CDH23: variants seen among roughly 807,000 people sequenced by gnomAD.
CDH23 encodes the protein cadherin related 23.
CDH23 carries 189 observed loss-of-function variants against 317.1 expected under a neutral mutation model. That is an observed-to-expected ratio of 0.60 (90% confidence interval 0.53 to 0.67). The LOEUF (loss-of-function observed/expected upper bound fraction) is 0.67. Ranked by LOEUF, CDH23 falls within the 30% of genes least tolerant of loss-of-function variation. The pLI is 0.00. For synonymous variants in CDH23, 1,839 were observed against 1,876.8 expected, an observed-to-expected ratio of 0.98 and a Z score of 0.52; for missense variants, 4,401 against 4,592.4, an observed-to-expected ratio of 0.96 and a Z score of 1.20.
intron 6 of CDH23, among the ~76,000 whole-genome samples, chr10:71,533,733 G>A (rs1855548961): frequency 6.6e-6 from 1 of 152,122 alleles, no homozygotes; most frequent in South Asian, 2.1e-4. Flanking sequence ...GTCAGGGAAG[G>A]ATGCAGTTGT....
chr10:71,805,602 T>C lies in CDH23; in HGVS notation c.7873-204T>C, dbSNP rs377549916. 3.4e-4 allele frequency among the ~76,000 whole-genome samples: 51 copies of C among 152,152 alleles called. No individual in the cohort carries two copies. The South Asian group carries it at 8.3e-3, about 25-fold the overall frequency. ...GTCAGTGCAATGGCCTTAGCTTGGGTTGGGGAGGAGAGAAGAGGGACAACA... is the reference window on the plus strand; with the variant it reads ...GTCAGTGCAATGGCCTTAGCTTGGGCTGGGGAGGAGAGAAGAGGGACAACA... On this transcript the variant is annotated intron_variant, in intron 55 of 69. Coordinates refer to ENST00000224721, the MANE Select transcript of CDH23 (RefSeq NM_022124.6).
At chr10:71,410,508 A>G (rs7082492) in intron 1 of CDH23, among the ~76,000 whole-genome samples, 52,017 of 152,056 alleles carry the variant, frequency 0.34, 9,578 homozygotes, top group African/African-American at 0.48. Flanking sequence ...TGGTGCTAAG[A>G]GACTTCTTAA....
At chr10:71,706,274 T>A (rs1185782588) in intron 25 of CDH23, among the ~76,000 whole-genome samples, 1 of 152,156 alleles carries the variant, frequency 6.6e-6, no homozygotes, top group East Asian at 1.9e-4. Flanking sequence ...TAAGGGAAAT[T>A]AAACCTTATT....
intron 9 of CDH23, among the ~76,000 whole-genome samples, chr10:71,603,420 G>A (rs375334540): frequency 2.0e-4 from 30 of 151,780 alleles, no homozygotes; most frequent in African/African-American, 6.1e-4. Context: ...GCCAAGCCTC[G>A]GGTGAGTTAT....
chr10:71,798,920 C>T (rs1219260634), intron 50 of CDH23, among the ~76,000 whole-genome samples, 191 bp from the exon 51 acceptor site: 1 of 152,148 alleles, frequency 6.6e-6, no homozygotes, highest in African/African-American at 2.4e-5. Context: ...GAAGCTTTTT[C>T]ACCCTCCATA....
chr10:71,806,148 CTG>C lies in CDH23; in HGVS notation c.8065-17_8065-16del, dbSNP rs1341670937. Reference sequence around the variant, plus strand: ...CCCCTCTCCCAGTCTTTTCCTCTGACTGTGCTCTTCCGCTCCTAGCTCATCTT... The same window carrying C: ...CCCCTCTCCCAGTCTTTTCCTCTGACTGCTCTTCCGCTCCTAGCTCATCTT... On this transcript the variant is annotated intron_variant, in intron 56 of 69. Transcript: ENST00000224721. The C allele has an allele frequency of 6.5e-7, 1 of 1,549,500 alleles. No homozygotes were observed. Among genetic ancestry groups the C allele is most frequent in the South Asian group, 1.2e-5 (1 of 84,172 alleles).
chr10:71,734,941 C>T (rs1038277603), intron 34 of CDH23, among the ~76,000 whole-genome samples: 1 of 152,234 alleles, frequency 6.6e-6, no homozygotes, highest in Non-Finnish European at 1.5e-5. Flanking sequence ...ACTGAGGGCT[C>T]ATCCCAGCTC....
chr10:71,510,532 C>T (rs991934339), intron 4 of CDH23, among the ~76,000 whole-genome samples: 3 of 152,026 alleles, frequency 2.0e-5, no homozygotes, highest in African/African-American at 2.4e-5. Context: ...CCCCTACCCC[C>T]AGTAAACATT....
chr10:71,524,383 A>G (rs1250054527), intron 6 of CDH23, among the ~76,000 whole-genome samples: 3 of 152,186 alleles, frequency 2.0e-5, no homozygotes, highest in Admixed American at 6.5e-5. Context: ...GCTCTCTTCC[A>G]AGACCCGTGC....
chr10:71,709,186 C>G lies in CDH23; in HGVS notation c.3195C>G (p.Ala1065=), dbSNP rs774989746. 6 of 1,613,982 alleles carry G rather than the reference C, an allele frequency of 3.7e-6. No homozygotes were observed. The highest frequency in any genetic ancestry group is 5.1e-6 in the Non-Finnish European group (6 of 1,179,886). ...VVGLDRETTA[A]YMLILEAIDN... ...GCCTGGACCGGGAGACCACAGCCGC[C>G]TACATGCTCATCCTGGAGGCCATCG... The change falls in exon 27 of 70, where the codon GCC becomes GCG. Residue 1065 remains alanine (A), a synonymous_variant. Coordinates refer to ENST00000224721, the MANE Select transcript of CDH23 (RefSeq NM_022124.6).
intron 38 of CDH23, among the ~76,000 whole-genome samples, chr10:71,762,926 C>T (rs1252974630): frequency 6.6e-6 from 1 of 152,160 alleles, no homozygotes; most frequent in African/African-American, 2.4e-5. Flanking sequence ...CCCAATCCTC[C>T]AGCATTTAAT....
chr10:71,746,895 A>G (rs1839864482), intron 38 of CDH23, among the ~76,000 whole-genome samples: 1 of 152,178 alleles, frequency 6.6e-6, no homozygotes, highest in Admixed American at 6.5e-5. Context: ...GTGACGGTCT[A>G]TGAGCTGGGG....
intron 14 of CDH23, 165 bp downstream of exon 14, chr10:71,646,782 A>G (rs745979206): frequency 6.4e-7 from 1 of 1,572,310 alleles, no homozygotes; most frequent in Middle Eastern, 1.7e-4. Context: ...TGGACTCTTC[A>G]GGAAGGGGCT....
chr10:71,607,083 T>C (rs544671653), intron 9 of CDH23, among the ~76,000 whole-genome samples: 1 of 152,346 alleles, frequency 6.6e-6, no homozygotes, highest in African/African-American at 2.4e-5. Context: ...TTTTAATTCA[T>C]AAGATGTCTT....
chr10:71,605,044 C>T (rs968864951), intron 9 of CDH23, among the ~76,000 whole-genome samples: 6 of 152,180 alleles, frequency 3.9e-5, no homozygotes, highest in Non-Finnish European at 7.3e-5. Context: ...CTGCATCTAG[C>T]ACCAACTTGG....
At chr10:71,466,283 C>T (rs1221319544) in intron 3 of CDH23, among the ~76,000 whole-genome samples, 5 of 152,230 alleles carry the variant, frequency 3.3e-5, no homozygotes, top group South Asian at 2.1e-4. Context: ...CATATGTGAA[C>T]GTGTATACCT....
chr10:71,639,582 G>A (rs188902868), intron 11 of CDH23, among the ~76,000 whole-genome samples: 171 of 152,330 alleles, frequency 1.1e-3, no homozygotes, highest in Non-Finnish European at 1.9e-3. Context: ...CCGAGGCGGG[G>A]TGGGGGCAAA....
intron 6 of CDH23, among the ~76,000 whole-genome samples, chr10:71,527,344 C>T (rs901397338): frequency 6.6e-6 from 1 of 152,228 alleles, no homozygotes; most frequent in African/African-American, 2.4e-5. Flanking sequence ...CCACAGCCAG[C>T]GGGAGGCCAG....
Position 71,793,361 on chromosome 10 carries a change from G to A in CDH23, c.6433G>A (p.Val2145Met), listed in dbSNP as rs780523589. The A allele has an allele frequency of 6.2e-7, 1 of 1,613,856 alleles. No homozygotes were observed. The change falls in exon 48 of 70, where the codon GTG becomes ATG. Residue 2145 changes from valine to methionine, a missense_variant. Transcript: ENST00000224721. Reference sequence around the variant, plus strand: ...GCAGGAGTCCTACAGGCTAACGGTGGTGGCCACCGACCGGGGCACCGTTCC... The same window carrying A: ...GCAGGAGTCCTACAGGCTAACGGTGATGGCCACCGACCGGGGCACCGTTCC... ...EEQESYRLTV[V>M]ATDRGTVPLS...
Sources: gnomAD v4.1 joint callset for allele counts (sites outside exome capture counted in the v4.1 genomes callset) on GRCh38, gnomAD v4.1.1 for gene constraint, MANE v1.5 for transcripts, NCBI Gene and HGNC (gene_info 2026-07-23, HGNC 2026-07-21) for gene names.